Variants in OR14A16 observed in about 807,000 individuals in gnomAD.
OR14A16 encodes the protein olfactory receptor family 14 subfamily A member 16, also known as olfactory receptor 14A16.
For synonymous variants in OR14A16, 135 were observed against 137.6 expected, an observed-to-expected ratio of 0.98 and a Z score of 0.13; for missense variants, 341 against 366.5, an observed-to-expected ratio of 0.93 and a Z score of 0.57.
intron 1 of OR14A16, among the ~76,000 whole-genome samples, chr1:247,819,398 TAA>T (rs56129368): frequency 6.6e-5 from 10 of 150,942 alleles, no homozygotes; most frequent in Non-Finnish European, 1.2e-4. Context: ...GGAGCAGATT[TAA>T]AAAAAAAAGA....
chr1:247,821,332 A>G (rs1412707265), intron 1 of OR14A16, among the ~76,000 whole-genome samples: 3 of 152,272 alleles, frequency 2.0e-5, no homozygotes, highest in African/African-American at 7.2e-5. Flanking sequence ...CTGGATGATT[A>G]CTAATACATC....
chr1:247,820,947 G>T (rs1054674652), intron 1 of OR14A16, among the ~76,000 whole-genome samples: 2 of 151,784 alleles, frequency 1.3e-5, no homozygotes, highest in African/African-American at 4.8e-5. Context: ...CATCTCATAA[G>T]TGTCAATATG....
chr1:247,821,606 A>G lies in OR14A16; in HGVS notation c.-131+2347T>C, dbSNP rs1662742043. On this transcript the variant is annotated intron_variant, in intron 1 of 2. Coordinates refer to ENST00000641093, the MANE Select transcript of OR14A16 (RefSeq NM_001001966.2). ...TGTTTGATACCCATTTGGATGGAATATCCTGTCATCCTTATACTTTCAATC... is the reference window on the plus strand; with the variant it reads ...TGTTTGATACCCATTTGGATGGAATGTCCTGTCATCCTTATACTTTCAATC... Among the ~76,000 whole-genome samples the G allele has an allele frequency of 2.6e-5, 3 of 114,396 alleles. No individual in the cohort carries two copies. The South Asian group carries it at 8.5e-4, about 33-fold the overall frequency. 75.0% of individuals were successfully genotyped at this position (114,396 alleles called of 152,430 possible).
intron 2 of OR14A16, among the ~76,000 whole-genome samples, chr1:247,817,160 T>C (rs1662637642): frequency 6.6e-6 from 1 of 152,238 alleles, no homozygotes; most frequent in South Asian, 2.1e-4. Context: ...ATATTAAAAC[T>C]GTACTTGACA....
chr1:247,820,951 C>T (rs901790841), intron 1 of OR14A16, among the ~76,000 whole-genome samples: 1 of 151,734 alleles, frequency 6.6e-6, no homozygotes, highest in Non-Finnish European at 1.5e-5. Context: ...TCATAAGTGT[C>T]AATATGTTGT....
rs1252414776 is a variant in OR14A16 at position 247,815,157 on chromosome 1, TA to T, written c.572del (p.Leu191Ter). Reference sequence around the variant, plus strand: ...TAAGGATGAGTGCAATTTCTCTTATTAAATTTTCTGAGCAAGAAATAGCTAA... The same window carrying T: ...TAAGGATGAGTGCAATTTCTCTTATTAATTTTCTGAGCAAGAAATAGCTAA... ...QLLAISCSEN[L>X]IREIALILIN... is the part of the protein sequence containing the mutation. On this transcript the variant is annotated frameshift_variant, in exon 3 of 3. Coordinates refer to ENST00000641093, the MANE Select transcript of OR14A16 (RefSeq NM_001001966.2). LOFTEE classifies it low-confidence loss of function (END_TRUNC). 1 of 1,613,406 alleles carries T rather than the reference TA, an allele frequency of 6.2e-7. No homozygotes were observed. The highest frequency in any genetic ancestry group is 8.5e-7 in the Non-Finnish European group (1 of 1,179,460).
chr1:247,820,573 C>T (rs542483569), intron 1 of OR14A16, among the ~76,000 whole-genome samples: 3 of 151,974 alleles, frequency 2.0e-5, no homozygotes, highest in South Asian at 2.1e-4. Flanking sequence ...GGGCCCGGCA[C>T]GGTCGTGCAC....
rs1662647420 is a variant in OR14A16, at chr1:247,817,564, C to G, written c.-16+1499G>C. 2.6e-5 allele frequency among the ~76,000 whole-genome samples: 4 copies of G among 152,096 alleles called. No individual in the cohort carries two copies. In the South Asian group the frequency reaches 8.3e-4, roughly 31 times the overall value. ...GACAGATGTCCATACGTGTCTCTTT[C>G]TTCTAGTATGAGGGAAACAAAATGG... On this transcript the variant is annotated intron_variant, in intron 2 of 2. Coordinates refer to ENST00000641093, the MANE Select transcript of OR14A16 (RefSeq NM_001001966.2).
chr1:247,823,534 T>C (rs1430310289), intron 1 of OR14A16, among the ~76,000 whole-genome samples: 1 of 151,862 alleles, frequency 6.6e-6, no homozygotes, highest in Non-Finnish European at 1.5e-5. Flanking sequence ...TAAAATAAAA[T>C]AGTTACCCCA....
chr1:247,817,637 C>G (rs1451477710), intron 2 of OR14A16, among the ~76,000 whole-genome samples: 1 of 152,148 alleles, frequency 6.6e-6, no homozygotes, highest in South Asian at 2.1e-4. Flanking sequence ...TTCTGTCTGA[C>G]TGAGCTTTCT....
At chr1:247,823,190 A>T (rs2103288349) in intron 1 of OR14A16, among the ~76,000 whole-genome samples, 1 of 152,230 alleles carries the variant, frequency 6.6e-6, no homozygotes, top group South Asian at 2.1e-4. Flanking sequence ...TTGTGTCATA[A>T]TATTAAAATA....
rs1662589622 is a variant in OR14A16 at position 247,815,294 on chromosome 1, A to G, written c.436T>C (p.Ser146Pro). Residue 146 changes from serine (S) to proline (P), a missense_variant, in exon 3 of 3, where the codon TCT (serine) becomes CCT (proline). Physicochemically the swap from Ser to Pro is moderately conservative, Grantham distance 74. Transcript: ENST00000641093. ...GCAATCAGACCCCCATACAGCCAAG[A>G]CACAGTGGCTCTTTGGACACAGGTG... ...RSTCVQRATVSWLYGGLIAVM... is the reference protein window; with the variant it reads ...RSTCVQRATVPWLYGGLIAVM... The G allele has an allele frequency of 1.2e-6, 2 of 1,614,044 alleles. No individual in the cohort carries two copies. The highest frequency in any genetic ancestry group is 8.5e-7 in the Non-Finnish European group (1 of 1,179,924).
In OR14A16 at chr1:247,815,212, T is replaced by C. The variant is rs1165771179; in HGVS notation, c.518A>G (p.His173Arg). 2 of 1,598,248 alleles carry C rather than the reference T, an allele frequency of 1.3e-6. No individual in the cohort carries two copies. The highest frequency in any genetic ancestry group is 2.3e-5 in the East Asian group (1 of 43,864). ...CTGGGGAATGTCACAGAAGAACTGATGGACCATGTTGGACCCACAGTAGGA... is the reference window on the plus strand; with the variant it reads ...CTGGGGAATGTCACAGAAGAACTGACGGACCATGTTGGACCCACAGTAGGA... ...SLSYCGSNMV[H>R]QFFCDIPQLL... The change falls in exon 3 of 3, where the codon CAT becomes CGT. Residue 173 changes from histidine to arginine, a missense_variant. Coordinates refer to ENST00000641093, the MANE Select transcript of OR14A16 (RefSeq NM_001001966.2).
chr1:247,818,864 G>A (rs1275678041), intron 2 of OR14A16, among the ~76,000 whole-genome samples, 199 bp downstream of exon 2: 2 of 152,038 alleles, frequency 1.3e-5, no homozygotes, highest in Admixed American at 6.6e-5. Flanking sequence ...GAATTGGAAT[G>A]TTCCTAACAC....
At position 247,819,496 on chromosome 1, in the gene OR14A16, G is replaced by C. The variant is rs1336954912; in HGVS notation, c.-130-319C>G. On this transcript the variant is annotated intron_variant, in intron 1 of 2. Transcript: ENST00000641093. ...GAAGTAGTTTGTTTACTGTGAGTGA[G>C]AGAAAAATCTGGATGGTTTTGAGTA... 5.3e-5 allele frequency among the ~76,000 whole-genome samples: 8 copies of C among 152,286 alleles called. No homozygotes were observed. The East Asian group carries it at 7.7e-4, about 15-fold the overall frequency.
At position 247,815,718 on chromosome 1, in the gene OR14A16, G is replaced by A; in HGVS notation, c.12C>T (p.Leu4=). The change falls in exon 3 of 3, where the codon CTC becomes CTT. Residue 4 remains leucine, a synonymous_variant. Transcript: ENST00000641093. MAN[L]TIVTEFILMG... is the part of the protein sequence containing the mutation. ...TAAGGATAAATTCAGTCACGATTGT[G>A]AGATTTGCCATTATTGCAGGAGTAA... The A allele has an allele frequency of 6.3e-7, 1 of 1,575,164 alleles. No individual in the cohort carries two copies. The highest frequency in any genetic ancestry group is 8.7e-7 in the Non-Finnish European group (1 of 1,152,842).
intron 1 of OR14A16, among the ~76,000 whole-genome samples, chr1:247,822,000 T>G (rs1662748288): frequency 6.6e-6 from 1 of 152,220 alleles, no homozygotes; most frequent in Admixed American, 6.5e-5. Context: ...ACAATTTAAC[T>G]TTATCCACAT....
At position 247,815,709 on chromosome 1, in the gene OR14A16, C is replaced by T. The variant is rs749504272; in HGVS notation, c.21G>A (p.Val7=). MANLTI[V]TEFILMGFST... ...AAAACCCCATAAGGATAAATTCAGTCACGATTGTGAGATTTGCCATTATTG... is the reference window on the plus strand; with the variant it reads ...AAAACCCCATAAGGATAAATTCAGTTACGATTGTGAGATTTGCCATTATTG... The change falls in exon 3 of 3, where the codon GTG becomes GTA. Residue 7 remains valine (V), a synonymous_variant. Coordinates refer to ENST00000641093, the MANE Select transcript of OR14A16 (RefSeq NM_001001966.2). 5 of 1,589,450 alleles carry T rather than the reference C, an allele frequency of 3.1e-6. No individual in the cohort carries two copies. In the East Asian group the frequency reaches 9.0e-5, roughly 29 times the overall value.
At chr1:247,822,749 A>G (rs1410890221) in intron 1 of OR14A16, among the ~76,000 whole-genome samples, 3 of 152,202 alleles carry the variant, frequency 2.0e-5, no homozygotes, top group Admixed American at 6.5e-5. Flanking sequence ...TTCACACAAC[A>G]TCTAATAATC....
Sources: gnomAD v4.1 joint callset for allele counts (sites outside exome capture counted in the v4.1 genomes callset) on GRCh38, gnomAD v4.1.1 for gene constraint, MANE v1.5 for transcripts, NCBI Gene and HGNC (gene_info 2026-07-23, HGNC 2026-07-21) for gene names.